REDIC1: variants seen among roughly 807,000 people sequenced by gnomAD.
REDIC1 encodes regulator of DNA class I crossover intermediates 1.
chr12:39,716,081 G>A, the REDIC1 span, among the ~76,000 whole-genome samples: 2 of 152,040 alleles, frequency 1.3e-5, no homozygotes, highest in East Asian at 1.9e-4. Context: ...ATTGCATATA[G>A]TAGGGCATGT....
the REDIC1 span, among the ~76,000 whole-genome samples, chr12:39,714,191 G>T: frequency 8.1e-5 from 1 of 12,390 alleles, no homozygotes; most frequent in Non-Finnish European, 3.5e-4. Context: ...ATGCATATAT[G>T]TATATATGTA....
chr12:39,647,986 G>T, the REDIC1 span: 1 of 1,477,360 alleles, frequency 6.8e-7, no homozygotes, highest in South Asian at 1.4e-5. Flanking sequence ...AGGTACCTTT[G>T]AATCATTAGT....
the REDIC1 span, among the ~76,000 whole-genome samples, chr12:39,808,853 G>A: frequency 3.9e-5 from 6 of 151,946 alleles, no homozygotes; most frequent in Non-Finnish European, 8.8e-5. Flanking sequence ...AATACTTCCG[G>A]TCTGTGGCTT....
At chr12:39,803,769 C>T in the REDIC1 span, among the ~76,000 whole-genome samples, 3 of 152,076 alleles carry the variant, frequency 2.0e-5, no homozygotes, top group Non-Finnish European at 4.4e-5. Context: ...GCATGCATCT[C>T]ACCGGAATTC....
the REDIC1 span, among the ~76,000 whole-genome samples, chr12:39,712,364 ACAT>A: frequency 7.3e-6 from 1 of 137,522 alleles, no homozygotes; most frequent in Non-Finnish European, 1.6e-5. Flanking sequence ...ATACATACAT[ACAT>A]ATGTATATAT....
the REDIC1 span, among the ~76,000 whole-genome samples, chr12:39,798,127 A>G: frequency 3.3e-5 from 5 of 152,344 alleles, no homozygotes; most frequent in Non-Finnish European, 5.9e-5. Flanking sequence ...AAGCTGCCCA[A>G]TGGAAAACTC....
the REDIC1 span, among the ~76,000 whole-genome samples, chr12:39,663,273 T>G: frequency 6.6e-6 from 1 of 152,080 alleles, no homozygotes; most frequent in Non-Finnish European, 1.5e-5. Flanking sequence ...ATTTGCTTTA[T>G]GAATCTTGTT....
the REDIC1 span, among the ~76,000 whole-genome samples, chr12:39,732,217 G>GT: frequency 6.6e-6 from 1 of 152,082 alleles, no homozygotes; most frequent in Non-Finnish European, 1.5e-5. Flanking sequence ...TCTTCTGACA[G>GT]TTTTTTTGAA....
chr12:39,737,108 A>G, the REDIC1 span, among the ~76,000 whole-genome samples: 2 of 152,190 alleles, frequency 1.3e-5, no homozygotes, highest in Non-Finnish European at 2.9e-5. Flanking sequence ...GTTTTTTAAT[A>G]TATATGGCTC....
chr12:39,902,062 A>C, the REDIC1 span, among the ~76,000 whole-genome samples: 1 of 152,002 alleles, frequency 6.6e-6, no homozygotes. Context: ...TGAAATTGGA[A>C]ACCATCATTC....
At chr12:39,683,918 A>G in the REDIC1 span, among the ~76,000 whole-genome samples, 3,153 of 152,236 alleles carry the variant, frequency 0.021, 47 homozygotes, top group Non-Finnish European at 0.031. Flanking sequence ...ATAGGGAGTG[A>G]TAGAATTCAG....
the REDIC1 span, among the ~76,000 whole-genome samples, chr12:39,780,835 A>C: frequency 6.6e-6 from 1 of 152,234 alleles, no homozygotes; most frequent in African/African-American, 2.4e-5. Context: ...GTAAGGAACT[A>C]AAAGAAATTT....
chr12:39,711,706 C>T, the REDIC1 span, among the ~76,000 whole-genome samples: 4 of 11,456 alleles, frequency 3.5e-4, no homozygotes, highest in South Asian at 2.3e-3. Flanking sequence ...TATGTGTATA[C>T]ACATGCATGT....
the REDIC1 span, among the ~76,000 whole-genome samples, chr12:39,702,833 C>T: frequency 6.6e-6 from 1 of 152,164 alleles, no homozygotes. Flanking sequence ...AAGACAAAAA[C>T]CACATGATTA....
chr12:39,699,531 C>T, the REDIC1 span, among the ~76,000 whole-genome samples: 2 of 152,230 alleles, frequency 1.3e-5, no homozygotes, highest in African/African-American at 4.8e-5. Context: ...GGGAGGGGCG[C>T]CCGCCATTGC....
chr12:39,787,560 T>C, the REDIC1 span, among the ~76,000 whole-genome samples: 2 of 152,186 alleles, frequency 1.3e-5, no homozygotes, highest in African/African-American at 4.8e-5. Context: ...TAATCACATT[T>C]TGATATACTT....
the REDIC1 span, among the ~76,000 whole-genome samples, chr12:39,699,820 C>G: frequency 1.3e-5 from 2 of 152,162 alleles, no homozygotes; most frequent in Non-Finnish European, 2.9e-5. Context: ...GAGGCACCCC[C>G]AAGCAGTGGT....
chr12:39,902,235 A>G, the REDIC1 span, among the ~76,000 whole-genome samples: 1 of 151,624 alleles, frequency 6.6e-6, no homozygotes, highest in East Asian at 1.9e-4. Context: ...GATATACCTA[A>G]TGCTAAATGA....
At chr12:39,866,265 CAT>C in the REDIC1 span, among the ~76,000 whole-genome samples, 1 of 152,118 alleles carries the variant, frequency 6.6e-6, no homozygotes, top group Admixed American at 6.5e-5. Context: ...TTGTTTAAGA[CAT>C]AGTAGGTGTG....
Sources: allele counts gnomAD v4.1 joint callset (sites outside exome capture counted in the v4.1 genomes callset), GRCh38; gene constraint gnomAD v4.1.1; transcripts MANE v1.5; gene names NCBI Gene and HGNC (gene_info 2026-07-23, HGNC 2026-07-21).